Variants in SHLD2 observed in about 807,000 individuals in gnomAD.
The protein encoded by SHLD2 is shieldin complex subunit 2.
SHLD2 carries 30 observed loss-of-function variants against 73.2 expected under a neutral mutation model. That is an observed-to-expected ratio of 0.41 (90% CI 0.31 to 0.56). The LOEUF is 0.56. SHLD2 is among the 20% of genes least tolerant of loss of function. The pLI is 0.28. For missense variants in SHLD2, 745 were observed against 1,055.9 expected (o/e 0.71, Z 4.08); for synonymous variants, 285 against 370.1 (o/e 0.77, Z 2.64).
chr10:87,181,152 G>T (rs981763107), intron 8 of SHLD2, among the ~76,000 whole-genome samples: 3 of 151,592 alleles, frequency 2.0e-5, no homozygotes, highest in Non-Finnish European at 4.4e-5. Context: ...AGGCCGGGGT[G>T]GGGGGATCGC....
At chr10:87,157,509 C>G (rs1311057856) in intron 3 of SHLD2, among the ~76,000 whole-genome samples, 1 of 152,192 alleles carries the variant, frequency 6.6e-6, no homozygotes, top group Non-Finnish European at 1.5e-5. Context: ...ACAGCTCTCT[C>G]TTTCCAATTG....
chr10:87,149,868 A>G (rs1423832634), intron 2 of SHLD2, among the ~76,000 whole-genome samples: 2 of 152,170 alleles, frequency 1.3e-5, no homozygotes, highest in Middle Eastern at 3.4e-3. Flanking sequence ...AGCTGGGACT[A>G]TAGGTGTTCC....
intron 2 of SHLD2, among the ~76,000 whole-genome samples, chr10:87,143,315 C>T (rs1845341979): frequency 6.6e-6 from 1 of 152,088 alleles, no homozygotes; most frequent in Non-Finnish European, 1.5e-5. Context: ...AGGATTTCTT[C>T]TTCGACCTTA....
At chr10:87,140,763 C>G (rs1478575626) in intron 2 of SHLD2, among the ~76,000 whole-genome samples, 1 of 151,518 alleles carries the variant, frequency 6.6e-6, no homozygotes, top group Non-Finnish European at 1.5e-5. Flanking sequence ...GAGTTTGAGA[C>G]CAGCCTGGGC....
chr10:87,098,523 A>G (rs981533080), intron 2 of SHLD2, among the ~76,000 whole-genome samples: 5 of 152,030 alleles, frequency 3.3e-5, no homozygotes. Context: ...CAAAAAAAAA[A>G]AAAAAAACAG....
chr10:87,094,761 G>A, upstream of SHLD2: 3 of 1,537,936 alleles, frequency 2.0e-6, no homozygotes, highest in South Asian at 1.2e-5. This position sits in a 1 kb window ranked among gnomAD's most constrained non-coding sequence, Gnocchi z 6.6. Flanking sequence ...CGCCCAGGTA[G>A]CGGTACATGG....
chr10:87,155,725 A>C (rs1240059587), intron 3 of SHLD2, among the ~76,000 whole-genome samples: 3 of 152,034 alleles, frequency 2.0e-5, no homozygotes, highest in Non-Finnish European at 4.4e-5. Context: ...TCAACTCTGC[A>C]ATCTCTGTAT....
At chr10:87,117,928 C>A (rs984490267) in intron 2 of SHLD2, among the ~76,000 whole-genome samples, 23 of 152,226 alleles carry the variant, frequency 1.5e-4, no homozygotes, top group African/African-American at 5.5e-4. Context: ...TGGGTTCCAT[C>A]ATCCAATAAG....
At chr10:87,108,503 C>G (rs140801004) in intron 2 of SHLD2, among the ~76,000 whole-genome samples, 405 of 152,224 alleles carry the variant, frequency 2.7e-3, no homozygotes, top group African/African-American at 9.2e-3. Flanking sequence ...TGAGGTCTTG[C>G]TATGTTGCCC....
At chr10:87,111,953 G>T (rs1429131266) in intron 2 of SHLD2, among the ~76,000 whole-genome samples, 2 of 151,758 alleles carry the variant, frequency 1.3e-5, no homozygotes, top group South Asian at 2.1e-4. Flanking sequence ...GAAACAATGG[G>T]CAGGCCAGGT....
intron 2 of SHLD2, among the ~76,000 whole-genome samples, chr10:87,128,714 A>G (rs1369638035): frequency 1.3e-5 from 2 of 152,148 alleles, no homozygotes; most frequent in Admixed American, 6.5e-5. Context: ...AAGCTTATCT[A>G]TTGTTAGCTA....
At chr10:87,104,247 A>G (rs1199178963) in intron 2 of SHLD2, among the ~76,000 whole-genome samples, 1 of 148,342 alleles carries the variant, frequency 6.7e-6, no homozygotes, top group African/African-American at 2.5e-5. Flanking sequence ...AAAAAAGAAA[A>G]AAAAAAAAAA....
At position 87,152,073 on chromosome 10, in the gene SHLD2, C is replaced by G. The variant is rs3129516; in HGVS notation, c.719C>G (p.Thr240Arg). 1 of 1,611,896 alleles carries G rather than the reference C, an allele frequency of 6.2e-7. No homozygotes were observed. Among genetic ancestry groups the G allele is most frequent in the Admixed American group, 1.7e-5 (1 of 60,018 alleles). The change falls in exon 3 of 10, where the codon ACA becomes AGA. Residue 240 changes from threonine to arginine, a missense_variant. Physicochemically the swap from Thr to Arg is moderately conservative, Grantham distance 71 (BLOSUM62 -1). Transcript: ENST00000298786. ...TCAGACCTTAAAATATCAACTGATA[C>G]AGAATTTCTCAGTATAATTACCTCC... is the stretch of plus-strand genomic sequence containing the variant. ...KVSDLKISTDTEFLSIITSSQ... is the reference protein window; with the variant it reads ...KVSDLKISTDREFLSIITSSQ...
At chr10:87,157,304 A>G (rs1846499335) in intron 3 of SHLD2, among the ~76,000 whole-genome samples, 1 of 152,176 alleles carries the variant, frequency 6.6e-6, no homozygotes, top group Non-Finnish European at 1.5e-5. Flanking sequence ...TTTCTTTCCT[A>G]TTATCTCTAC....
chr10:87,165,595 A>G (rs1220258895), intron 4 of SHLD2, among the ~76,000 whole-genome samples: 6 of 152,218 alleles, frequency 3.9e-5, no homozygotes, highest in Non-Finnish European at 7.3e-5. Context: ...ATAATTGATC[A>G]GGATTCTTCA....
At position 87,176,059 on chromosome 10, in the gene SHLD2, T is replaced by C; in HGVS notation, c.2134T>C (p.Ser712Pro). The change falls in exon 7 of 10, where the codon TCA becomes CCA. Residue 712 changes from serine to proline, a missense_variant. By Grantham distance (74) the Ser-to-Pro change is moderately conservative (BLOSUM62 -1). This residue lies in a region of SHLD2 where 418 missense variants were observed against 567.8 expected (regional missense o/e 0.74). Coordinates refer to ENST00000298786, the MANE Select transcript of SHLD2 (RefSeq NM_001330112.2). ...AAGTGCACCCTCCTTTGTGAAGATA[T>C]CAGACTTAGCAACCCACCTAGAGGA... ...QKSAPSFVKI[S>P]DLATHLEDKC... 3.9e-6 allele frequency: 6 copies of C among 1,548,408 alleles called. No homozygotes were observed. Among genetic ancestry groups the C allele is most frequent in the South Asian group, 2.4e-5 (2 of 83,960 alleles).
At chr10:87,147,034 TGACAAAAGCGA>T (rs1845658408) in intron 2 of SHLD2, among the ~76,000 whole-genome samples, 1 of 125,014 alleles carries the variant, frequency 8.0e-6, no homozygotes. Context: ...CCAGCCTGGG[TGACAAAAGCGA>T]GACTCTGTCT....
intron 2 of SHLD2, among the ~76,000 whole-genome samples, chr10:87,101,208 A>AATCAAGT (rs200907740): frequency 0.034 from 5,213 of 152,308 alleles, 114 homozygotes; most frequent in Middle Eastern, 0.11. Flanking sequence ...AATAATTTAG[A>AATCAAGT]ATCAAGTATA....
intron 2 of SHLD2, among the ~76,000 whole-genome samples, chr10:87,133,750 C>A (rs1198546653): frequency 6.6e-6 from 1 of 152,112 alleles, no homozygotes; most frequent in Non-Finnish European, 1.5e-5. Context: ...CACACAGGTT[C>A]TTTTTTGGTA....
Sources: allele counts gnomAD v4.1 joint callset (sites outside exome capture counted in the v4.1 genomes callset), GRCh38; gene constraint gnomAD v4.1.1; regional missense constraint gnomAD v4.1.1; non-coding constraint Gnocchi (gnomAD v3.1); transcripts MANE v1.5; gene names NCBI Gene and HGNC (gene_info 2026-07-23, HGNC 2026-07-21).